The following AGBL4 variants were observed in gnomAD, a reference collection of about 807,000 sequenced individuals.
The protein encoded by AGBL4 is cytosolic carboxypeptidase 6.
AGBL4 carries 58 observed loss-of-function variants against 66.4 expected under a neutral mutation model. The observed-to-expected ratio is 0.87, with a 90% CI of 0.71 to 1.09. The LOEUF (loss-of-function observed/expected upper bound fraction) is 1.09. AGBL4 is among the 50% of genes least tolerant of loss of function. AGBL4 has a pLI of 0.00. For synonymous variants in AGBL4, 234 were observed against 222.9 expected (o/e 1.05, Z -0.44); for missense variants, 579 against 631.0 (o/e 0.92, Z 0.88).
At chr1:49,758,147 T>G (rs1022982551) in intron 2 of AGBL4, among the ~76,000 whole-genome samples, 1 of 152,194 alleles carries the variant, frequency 6.6e-6, no homozygotes, top group Non-Finnish European at 1.5e-5. Flanking sequence ...CCCCAAGCCT[T>G]GGCAACTTCC....
chr1:50,017,040 G>C (rs1454699539), intron 1 of AGBL4: 1 of 151,792 alleles, frequency 6.6e-6, no homozygotes, highest in East Asian at 1.9e-4. Flanking sequence ...TCAACCCAAA[G>C]CCCATCAACA....
chr1:49,146,025 A>G (rs1172265103), intron 4 of AGBL4, among the ~76,000 whole-genome samples: 1 of 152,208 alleles, frequency 6.6e-6, no homozygotes, highest in Non-Finnish European at 1.5e-5. Context: ...AGCATCACAT[A>G]TACTCACTTA....
intron 4 of AGBL4, among the ~76,000 whole-genome samples, chr1:49,144,447 T>TGGAGG (rs1329144417): frequency 9.1e-5 from 13 of 142,184 alleles, no homozygotes; most frequent in African/African-American, 2.4e-4. Context: ...GGAAAGGAAA[T>TGGAGG]GGAGGGGAGG....
intron 3 of AGBL4, among the ~76,000 whole-genome samples, chr1:49,403,456 C>T (rs1434324687): frequency 1.3e-5 from 2 of 152,080 alleles, no homozygotes; most frequent in Non-Finnish European, 2.9e-5. Context: ...ATTTTAATCT[C>T]TCTGTTAAAT....
rs143798059 is a variant in AGBL4, at chr1:49,205,966, A to C, written c.377+39804T>G. On this transcript the variant is annotated intron_variant, in intron 4 of 13. Coordinates refer to ENST00000371839, the MANE Select transcript of AGBL4 (RefSeq NM_032785.4). The stretch of plus-strand genomic sequence containing the variant: ...TTTGCTCTGATTTAGCCATGGAGCA[A>C]AGCTGCTAGAAAAATAAACTTGATT... 1.1e-4 allele frequency among the ~76,000 whole-genome samples: 17 copies of C among 152,274 alleles called. 1 individual carries two copies. In the East Asian group the frequency reaches 3.3e-3, roughly 29 times the overall value.
At chr1:49,131,461 G>T (rs1031766878) in intron 4 of AGBL4, among the ~76,000 whole-genome samples, 2 of 152,010 alleles carry the variant, frequency 1.3e-5, no homozygotes, top group African/African-American at 2.4e-5. Context: ...ATAAGAGGGG[G>T]AATCAAAGGA....
chr1:49,100,206 T>C (rs1360759972), intron 4 of AGBL4, among the ~76,000 whole-genome samples: 1 of 152,164 alleles, frequency 6.6e-6, no homozygotes, highest in Non-Finnish European at 1.5e-5. Flanking sequence ...AAGGGTACCC[T>C]TGTTACACCC....
intron 3 of AGBL4, among the ~76,000 whole-genome samples, chr1:49,499,121 TA>T (rs1032946724): frequency 1.3e-5 from 2 of 151,950 alleles, no homozygotes; most frequent in African/African-American, 4.8e-5. Flanking sequence ...TGGGAGTCCT[TA>T]AAAAATTGAT....
At chr1:48,527,408 A>C in the AGBL4 span, among the ~76,000 whole-genome samples, 1 of 152,048 alleles carries the variant, frequency 6.6e-6, no homozygotes, top group East Asian at 1.9e-4. Context: ...AATCCTGGCC[A>C]ACATGGTGAA....
chr1:48,949,645 C>A (rs913649827), intron 5 of AGBL4, among the ~76,000 whole-genome samples: 1 of 152,148 alleles, frequency 6.6e-6, no homozygotes, highest in Admixed American at 6.5e-5. Context: ...CAAGTGATAT[C>A]CTTCTGTTCT....
chr1:49,825,023 G>T (rs971441384), intron 2 of AGBL4, among the ~76,000 whole-genome samples: 2 of 151,872 alleles, frequency 1.3e-5, no homozygotes, highest in Admixed American at 1.3e-4. Flanking sequence ...TCTCTTATTT[G>T]CTCTGCCAGT....
At chr1:48,981,369 T>G (rs1277779343) in intron 5 of AGBL4, among the ~76,000 whole-genome samples, 3 of 152,170 alleles carry the variant, frequency 2.0e-5, no homozygotes, top group Non-Finnish European at 4.4e-5. Flanking sequence ...CATTTATTTC[T>G]CAAAATAACC....
chr1:49,185,159 A>T (rs974023876), intron 4 of AGBL4, among the ~76,000 whole-genome samples: 1 of 152,168 alleles, frequency 6.6e-6, no homozygotes, highest in South Asian at 2.1e-4. Context: ...TTCTTAGTCC[A>T]TATTGTGTTC....
chr1:49,151,026 T>C (rs1310648693), intron 4 of AGBL4, among the ~76,000 whole-genome samples: 1 of 152,124 alleles, frequency 6.6e-6, no homozygotes, highest in Non-Finnish European at 1.5e-5. Flanking sequence ...CCCAGCACTT[T>C]GGGAGGCCGA....
At chr1:48,754,805 G>A (rs1652285935) in intron 6 of AGBL4, among the ~76,000 whole-genome samples, 1 of 152,120 alleles carries the variant, frequency 6.6e-6, no homozygotes, top group South Asian at 2.1e-4. Context: ...TAAAGGGGAT[G>A]GAGGAGACAC....
intron 5 of AGBL4, among the ~76,000 whole-genome samples, chr1:49,012,807 A>C (rs184515660): frequency 2.0e-5 from 3 of 152,226 alleles, no homozygotes; most frequent in Admixed American, 2.0e-4. Context: ...CCCCTCTAAA[A>C]CTCATGTTGA....
intron 4 of AGBL4, among the ~76,000 whole-genome samples, chr1:49,130,840 A>G (rs1405491756): frequency 1.3e-5 from 2 of 152,066 alleles, no homozygotes; most frequent in Non-Finnish European, 1.5e-5. Context: ...GTTTTTTCCA[A>G]TTCTGTGAAG....
intron 5 of AGBL4, among the ~76,000 whole-genome samples, chr1:48,905,131 A>C (rs1412368647): frequency 6.6e-6 from 1 of 152,206 alleles, no homozygotes; most frequent in Non-Finnish European, 1.5e-5. Context: ...AGGTGGAATC[A>C]TAAATTGTGG....
chr1:49,860,252 AAC>A (rs1349968035), intron 1 of AGBL4, among the ~76,000 whole-genome samples: 6 of 152,268 alleles, frequency 3.9e-5, no homozygotes, highest in Non-Finnish European at 8.8e-5. Flanking sequence ...TTGGAAAAAA[AAC>A]AGTGTGGGGT....
Sources: gnomAD v4.1 joint callset for allele counts (sites outside exome capture counted in the v4.1 genomes callset) on GRCh38, gnomAD v4.1.1 for gene constraint, MANE v1.5 for transcripts, NCBI Gene and HGNC (gene_info 2026-07-23, HGNC 2026-07-21) for gene names.